Variants in PARP9 observed in about 807,000 individuals in gnomAD.
PARP9 encodes poly(ADP-ribose) polymerase family member 9, also known as protein mono-ADP-ribosyltransferase PARP9.
PARP9 carries 48 observed loss-of-function variants against 68.8 expected under a neutral mutation model. The ratio of observed to expected loss-of-function variants is 0.70; its 90% CI spans 0.55 to 0.89. The LOEUF (loss-of-function observed/expected upper bound fraction) is 0.89. Among genes scored for constraint, PARP9 ranks in the 40% least tolerant of loss-of-function variants. PARP9 has a pLI of 0.00. For missense variants in PARP9, 806 were observed against 969.3 expected (o/e 0.83, Z 2.24); for synonymous variants, 309 against 333.8 (o/e 0.93, Z 0.81).
rs1170296964 is a variant in PARP9, at chr3:122,528,309, A to G, written c.*55T>C. 8.3e-6 allele frequency: 13 copies of G among 1,564,358 alleles called. No individual in the cohort carries two copies. The highest frequency in any genetic ancestry group is 1.4e-5 in the African/African-American group (1 of 73,802). On this transcript the variant is annotated 3_prime_UTR_variant, in exon 11 of 11. Coordinates refer to ENST00000682323, the MANE Select transcript of PARP9 (RefSeq NM_001146105.2). ...ACTCTTTGAGCCATCGATGGTCATTATTTGGTTAGTTCACCCAAGGTAAGG... is the reference window on the plus strand; with the variant it reads ...ACTCTTTGAGCCATCGATGGTCATTGTTTGGTTAGTTCACCCAAGGTAAGG...
chr3:122,543,420 G>A (rs1014981521), intron 7 of PARP9, among the ~76,000 whole-genome samples: 5 of 151,924 alleles, frequency 3.3e-5, no homozygotes, highest in African/African-American at 1.2e-4. Flanking sequence ...TGGGATTACA[G>A]ACATGTGCCA....
Position 122,550,722 on chromosome 3 carries a change from C to G in PARP9, c.1188G>C (p.Gly396=). The G allele has an allele frequency of 6.2e-7, 1 of 1,614,102 alleles. No individual in the cohort carries two copies. The highest frequency in any genetic ancestry group is 8.5e-7 in the Non-Finnish European group (1 of 1,180,014). ...NITSISFPAL[G]TGNMEIKKET... is the part of the protein sequence containing the mutation. ...CCTTCTTTATTTCCATGTTTCCAGTCCCAAGGGCAGGAAAGGAAATGGAAG... is the reference window on the plus strand; with the variant it reads ...CCTTCTTTATTTCCATGTTTCCAGTGCCAAGGGCAGGAAAGGAAATGGAAG... Residue 396 remains glycine, a synonymous_variant, in exon 6 of 11, where the codon GGG becomes GGC. Coordinates refer to ENST00000682323, the MANE Select transcript of PARP9 (RefSeq NM_001146105.2).
intron 1 of PARP9, among the ~76,000 whole-genome samples, chr3:122,561,740 C>T (rs949694243): frequency 2.0e-5 from 3 of 152,198 alleles, no homozygotes; most frequent in Admixed American, 6.5e-5. Flanking sequence ...TGCATACTCC[C>T]CAGGAGTGAT....
intron 6 of PARP9, 35 bp from the exon 7 acceptor site, chr3:122,545,524 C>G (rs1418095670): frequency 1.2e-6 from 2 of 1,606,050 alleles, no homozygotes; most frequent in South Asian, 2.2e-5. Flanking sequence ...GAGTCATAAG[C>G]AGGGCTGATA....
chr3:122,533,322 G>A (rs542698204), intron 10 of PARP9: 1 of 152,248 alleles, frequency 6.6e-6, no homozygotes, highest in South Asian at 2.1e-4. Context: ...TATTTCTTAG[G>A]GAAAATCATG....
intron 9 of PARP9, chr3:122,536,611 T>G (rs1358752818): frequency 8.9e-6 from 5 of 563,824 alleles, no homozygotes; most frequent in Non-Finnish European, 1.5e-5. Flanking sequence ...CTTAAGCTCA[T>G]AGTTTAGTGA....
chr3:122,561,613 G>A (rs73192132), intron 1 of PARP9, among the ~76,000 whole-genome samples: 33,090 of 152,062 alleles, frequency 0.22, 4,165 homozygotes, highest in Non-Finnish European at 0.27. Flanking sequence ...ATCTTCCCTT[G>A]GTTCTTCTAT....
intron 8 of PARP9, 108 bp downstream of exon 8, chr3:122,540,364 C>A: frequency 7.5e-7 from 1 of 1,329,758 alleles, no homozygotes; most frequent in Non-Finnish European, 1.0e-6. Context: ...ATGTTTGATC[C>A]CTCCTCTCTC....
intron 4 of PARP9, 29 bp from the exon 5 acceptor site, chr3:122,552,668 T>C (rs1457458422): frequency 6.6e-7 from 1 of 1,504,426 alleles, no homozygotes; most frequent in Non-Finnish European, 9.2e-7. Context: ...GTAGGATTCA[T>C]TGTTAAATTC....
chr3:122,532,022 G>T, intron 10 of PARP9: 1 of 480,126 alleles, frequency 2.1e-6, no homozygotes, highest in Non-Finnish European at 2.7e-6. Context: ...TGGAAATCTC[G>T]GAATAAGAAC....
At chr3:122,557,882 C>T (rs1029114804) in intron 3 of PARP9, among the ~76,000 whole-genome samples, 2 of 152,056 alleles carry the variant, frequency 1.3e-5, no homozygotes, top group Non-Finnish European at 2.9e-5. Context: ...ATAACAGGTA[C>T]ACTACCTTAT....
Position 122,555,304 on chromosome 3 carries a change from G to T in PARP9, c.867C>A (p.Gly289=). The T allele has an allele frequency of 6.2e-7, 1 of 1,612,758 alleles. No individual in the cohort carries two copies. The highest frequency in any genetic ancestry group is 2.2e-5 in the East Asian group (1 of 44,864). The part of the protein sequence containing the change: ...VNNLTLQIVQ[G]HIEWQTADVI... ...GACTTACCGTCTGCCATTCAATGTG[G>T]CCCTGGACAATCTGGAGGGTCAGGT... The change falls in exon 4 of 11, where the codon GGC becomes GGA. Residue 289 remains glycine, a synonymous_variant. Transcript: ENST00000682323.
chr3:122,564,417 G>A (rs1328882010), upstream of PARP9: 3 of 1,604,354 alleles, frequency 1.9e-6, no homozygotes, highest in Admixed American at 1.7e-5. Flanking sequence ...CCCTCCCGAC[G>A]CGCAGAGCCA....
intron 7 of PARP9, among the ~76,000 whole-genome samples, chr3:122,545,125 A>C (rs943811404): frequency 2.6e-5 from 4 of 152,204 alleles, no homozygotes; most frequent in South Asian, 2.1e-4. Flanking sequence ...GAGTGACTGA[A>C]TGCCAGTTTA....
chr3:122,547,874 A>C (rs1387649279), intron 6 of PARP9, among the ~76,000 whole-genome samples: 1 of 152,188 alleles, frequency 6.6e-6, no homozygotes, highest in East Asian at 1.9e-4. Flanking sequence ...AATTAAAAAA[A>C]GAAATAGTTC....
chr3:122,558,284 C>T, intron 3 of PARP9, 150 bp downstream of exon 3: 1 of 1,594,730 alleles, frequency 6.3e-7, no homozygotes, highest in Non-Finnish European at 8.6e-7. Flanking sequence ...CACACCAACT[C>T]TGAAGCATGT....
At position 122,550,644 on chromosome 3, in the gene PARP9, A is replaced by G. The variant is rs962594700; in HGVS notation, c.1266T>C (p.His422=). The G allele has an allele frequency of 1.9e-6, 3 of 1,614,000 alleles. No homozygotes were observed. The highest frequency in any genetic ancestry group is 2.2e-5 in the South Asian group (2 of 91,068). Residue 422 remains histidine (H), a synonymous_variant, in exon 6 of 11, where the codon CAT becomes CAC. Transcript: ENST00000682323. ...ATTTTACAGTTAACTGGTGTTTTAC[A>G]TGGTCTTTGGCAAATGTTAAAACTT... ...FDEVLTFAKD[H]VKHQLTVKFV...
intron 6 of PARP9, among the ~76,000 whole-genome samples, chr3:122,546,334 G>A (rs1306962126): frequency 1.3e-5 from 2 of 152,356 alleles, no homozygotes; most frequent in East Asian, 3.9e-4. Flanking sequence ...AGCAAGCCAA[G>A]CTCTCAGTCA....
chr3:122,537,149 A>G, intron 8 of PARP9, 76 bp from the exon 9 acceptor site: 1 of 1,430,732 alleles, frequency 7.0e-7, no homozygotes, highest in Non-Finnish European at 9.5e-7. Flanking sequence ...AACAAATTCT[A>G]GAAATTTAGA....
Sources: allele counts gnomAD v4.1 joint callset (sites outside exome capture counted in the v4.1 genomes callset), GRCh38; gene constraint gnomAD v4.1.1; transcripts MANE v1.5; gene names NCBI Gene and HGNC (gene_info 2026-07-23, HGNC 2026-07-21).